LRRC4C: variants seen among roughly 807,000 people sequenced by gnomAD.
LRRC4C encodes leucine-rich repeat-containing protein 4C.
In LRRC4C, 5 loss-of-function variants were observed where a neutral mutation model predicts 33.6. The observed-to-expected ratio is 0.15, with a 90% confidence interval of 0.08 to 0.31. The LOEUF is 0.31. Ranked by LOEUF, LRRC4C falls within the 10% of genes least tolerant of loss-of-function variation. The pLI is 1.00. For synonymous variants in LRRC4C, 329 were observed against 302.0 expected, an observed-to-expected ratio of 1.09 and a Z score of -0.93; for missense variants, 560 against 796.7, an observed-to-expected ratio of 0.70 and a Z score of 3.58.
intron 3 of LRRC4C, among the ~76,000 whole-genome samples, chr11:40,472,563 A>T (rs1952996131): frequency 6.6e-6 from 1 of 151,392 alleles, no homozygotes; most frequent in Non-Finnish European, 1.5e-5. Context: ...AGAGAAGCAA[A>T]AGCAAACAAA....
In LRRC4C at chr11:40,419,633, G is replaced by A. The variant is rs187691550; in HGVS notation, c.-269-99912C>T. ...CTAAGAAAAGATCACCAGAAGACCC[G>A]CTGTACAAGAAATGTGAAATGAAGT... On this transcript the variant is annotated intron_variant, in intron 3 of 6. Transcript: ENST00000528697. Among the ~76,000 whole-genome samples the A allele has an allele frequency of 7.7e-4, 117 of 152,238 alleles. 2 individuals carry two copies. Among genetic ancestry groups the A allele is most frequent in the Admixed American group, 7.3e-3 (111 of 15,282 alleles).
Position 40,211,862 on chromosome 11 carries a change from T to A in LRRC4C, c.-96+29657A>T, listed in dbSNP as rs139184048. Among the ~76,000 whole-genome samples the A allele has an allele frequency of 8.1e-3, 1,231 of 152,284 alleles. 19 individuals are homozygous for A. Among genetic ancestry groups the A allele is most frequent in the African/African-American group, 0.028 (1,145 of 41,566 alleles). On this transcript the variant is annotated intron_variant, in intron 5 of 6. Transcript: ENST00000528697. ...ATGGCTGGAGCTTTAGCGGTCACTG[T>A]GGATCATGTTTTTACTTTGAGACTG... is the stretch of plus-strand genomic sequence containing the variant.
chr11:41,004,276 CCTGTAT>C (rs753619823), intron 1 of LRRC4C, among the ~76,000 whole-genome samples: 3 of 152,070 alleles, frequency 2.0e-5, no homozygotes, highest in Non-Finnish European at 4.4e-5. Context: ...TTTAATGGCC[CCTGTAT>C]CTGTTGCTAG....
chr11:40,989,391 G>A (rs942318402), intron 1 of LRRC4C, among the ~76,000 whole-genome samples: 5 of 152,170 alleles, frequency 3.3e-5, no homozygotes, highest in African/African-American at 1.2e-4. Flanking sequence ...TTTTTCAGAT[G>A]AAAAAACTGC....
intron 1 of LRRC4C, among the ~76,000 whole-genome samples, chr11:41,085,895 A>C: frequency 6.8e-6 from 1 of 147,932 alleles, no homozygotes. Flanking sequence ...GTGACCTTGA[A>C]GGAAAGGGAT....
intron 2 of LRRC4C, among the ~76,000 whole-genome samples, chr11:40,918,524 A>C (rs993788119): frequency 1.3e-5 from 2 of 152,082 alleles, no homozygotes; most frequent in African/African-American, 2.4e-5. Flanking sequence ...TAGATGCATC[A>C]TGCCCTTTTT....
At chr11:40,459,482 C>A (rs935348373) in intron 3 of LRRC4C, among the ~76,000 whole-genome samples, 1 of 152,126 alleles carries the variant, frequency 6.6e-6, no homozygotes, top group Non-Finnish European at 1.5e-5. Context: ...CAGACACTGC[C>A]GTGCTCTAAT....
chr11:40,420,518 T>A (rs1165362404), intron 3 of LRRC4C, among the ~76,000 whole-genome samples: 1 of 152,186 alleles, frequency 6.6e-6, no homozygotes, highest in Non-Finnish European at 1.5e-5. Flanking sequence ...TGTTCTAAAG[T>A]CCTTTATTTA....
chr11:40,518,530 T>C (rs1347146629), intron 3 of LRRC4C, among the ~76,000 whole-genome samples: 1 of 152,126 alleles, frequency 6.6e-6, no homozygotes. Context: ...ATTAGAGAAA[T>C]GCAAATCAAA....
At chr11:41,243,304 T>C (rs1379216298) in intron 1 of LRRC4C, among the ~76,000 whole-genome samples, 2 of 152,222 alleles carry the variant, frequency 1.3e-5, no homozygotes, top group East Asian at 3.8e-4. Context: ...ATCCATTATC[T>C]TGTTTAACTA....
intron 2 of LRRC4C, among the ~76,000 whole-genome samples, chr11:40,885,607 A>G (rs1396911976): frequency 6.6e-6 from 1 of 152,124 alleles, no homozygotes; most frequent in African/African-American, 2.4e-5. Flanking sequence ...AGTATCATCA[A>G]CAAACTCTCT....
At chr11:40,156,117 T>C (rs187622531) in intron 5 of LRRC4C, among the ~76,000 whole-genome samples, 1 of 152,210 alleles carries the variant, frequency 6.6e-6, no homozygotes, top group Non-Finnish European at 1.5e-5. Context: ...ATCATCTCAA[T>C]ACATGCAGAA....
intron 3 of LRRC4C, among the ~76,000 whole-genome samples, chr11:40,326,125 G>A (rs1946090757): frequency 6.6e-6 from 1 of 151,240 alleles, no homozygotes; most frequent in South Asian, 2.1e-4. Flanking sequence ...TTGCTTGCTT[G>A]CTCACTATTG....
rs1377718232 is a variant in LRRC4C at position 40,933,650 on chromosome 11, T to C, written c.-422A>G. The C allele has an allele frequency of 6.6e-6, 1 of 152,202 alleles. No homozygotes were observed. The highest frequency in any genetic ancestry group is 2.4e-5 in the African/African-American group (1 of 41,456). The allele number at this position is 152,202 out of a possible 1,614,324, so 9.4% of individuals were successfully genotyped here. On this transcript the variant is annotated 5_prime_UTR_variant, in exon 2 of 7. Coordinates refer to ENST00000528697, the MANE Select transcript of LRRC4C (RefSeq NM_001258419.2). ...TTTCACTCACCTACATTCAGTGTATTAGATGATGTTCCAGCTTATTTGGCC... is the reference window on the plus strand; with the variant it reads ...TTTCACTCACCTACATTCAGTGTATCAGATGATGTTCCAGCTTATTTGGCC...
Position 40,699,661 on chromosome 11 carries a change from T to C in LRRC4C, c.-406-51383A>G, listed in dbSNP as rs548287622. Among the ~76,000 whole-genome samples the C allele has an allele frequency of 2.6e-5, 4 of 152,298 alleles. No homozygotes were observed. The East Asian group carries it at 7.7e-4, about 29-fold the overall frequency. On this transcript the variant is annotated intron_variant, in intron 2 of 6. Coordinates refer to ENST00000528697, the MANE Select transcript of LRRC4C (RefSeq NM_001258419.2). ...TAAAAAAGTAACAGCAACTATGTGCTAGGTGCTGGTGACACAACAAAGAAA... is the reference window on the plus strand; with the variant it reads ...TAAAAAAGTAACAGCAACTATGTGCCAGGTGCTGGTGACACAACAAAGAAA...
chr11:40,902,858 G>A (rs573948171), intron 2 of LRRC4C, among the ~76,000 whole-genome samples: 1 of 152,214 alleles, frequency 6.6e-6, no homozygotes, highest in African/African-American at 2.4e-5. Flanking sequence ...GTTTGGTCTA[G>A]GGGGTTTGAG....
chr11:41,258,273 T>G, intron 1 of LRRC4C, among the ~76,000 whole-genome samples: 1 of 151,924 alleles, frequency 6.6e-6, no homozygotes, highest in East Asian at 1.9e-4. Flanking sequence ...GTATTCTAGT[T>G]ATGGCATTGA....
chr11:40,179,550 A>G (rs1462650352), intron 5 of LRRC4C, among the ~76,000 whole-genome samples: 1 of 152,132 alleles, frequency 6.6e-6, no homozygotes, highest in Non-Finnish European at 1.5e-5. Flanking sequence ...CTTTGCTTAT[A>G]ACATCACAGT....
intron 2 of LRRC4C, among the ~76,000 whole-genome samples, chr11:40,784,540 TTAAAG>T (rs1474271170): frequency 5.3e-5 from 8 of 152,338 alleles, no homozygotes; most frequent in African/African-American, 1.9e-4. Context: ...TGAACACAAC[TTAAAG>T]TAATTTTTTA....
Sources: gnomAD v4.1 joint callset for allele counts (sites outside exome capture counted in the v4.1 genomes callset) on GRCh38, gnomAD v4.1.1 for gene constraint, MANE v1.5 for transcripts, NCBI Gene and HGNC (gene_info 2026-07-23, HGNC 2026-07-21) for gene names.